LARP1B: variants seen among roughly 807,000 people sequenced by gnomAD.
LARP1B encodes La ribonucleoprotein 1B, also known as la-related protein 1B.
Under a neutral mutation model 114.2 loss-of-function variants are expected in LARP1B, and 76 were observed. The observed-to-expected ratio is 0.67, with a 90% confidence interval of 0.55 to 0.81. The LOEUF (loss-of-function observed/expected upper bound fraction) is 0.81. Among genes scored for constraint, LARP1B ranks in the 30% least tolerant of loss-of-function variants. The pLI, the probability that LARP1B is intolerant of heterozygous loss-of-function variation, is 0.00. For missense variants in LARP1B, 1,014 were observed against 1,075.8 expected (o/e 0.94, Z 0.80); for synonymous variants, 345 against 348.0 (o/e 0.99, Z 0.10).
chr4:128,074,813 C>T lies in LARP1B; in HGVS notation c.-18-121C>T, dbSNP rs563498881. The T allele has an allele frequency of 5.1e-5, 32 of 625,714 alleles. No individual in the cohort carries two copies. The African/African-American group carries it at 5.5e-4, about 11-fold the overall frequency. 38.8% of individuals were successfully genotyped at this position (625,714 alleles called of 1,614,324 possible). ...AACTTTTTGATTAATTTGGCAGATG[C>T]CTGCATATAACTGAATATAAATGAT... On this transcript the variant is annotated intron_variant, in intron 2 of 19. Transcript: ENST00000326639.
rs1194007108 is a variant in LARP1B, at chr4:128,090,964, A to G, written c.359-37A>G. On this transcript the variant is annotated intron_variant, in intron 5 of 19. Transcript: ENST00000326639. ...AGACAATCATGTTATTTTACTTGGC[A>G]AATCGAAGTATATAAAAATATTTTT... 2.7e-6 allele frequency: 4 copies of G among 1,454,772 alleles called. No individual in the cohort carries two copies. In the East Asian group the frequency reaches 9.7e-5, roughly 35 times the overall value. 90.1% of individuals were successfully genotyped at this position (1,454,772 alleles called of 1,614,324 possible). A position where few individuals can be genotyped will look rare whatever the true frequency, so the allele number is the denominator to read the frequency against.
chr4:128,178,330 G>A, intron 13 of LARP1B, 101 bp from the exon 14 acceptor site: 1 of 789,448 alleles, frequency 1.3e-6, no homozygotes, highest in Non-Finnish European at 2.0e-6. Context: ...TGTTTTCAGT[G>A]AAAAATCCTT....
At chr4:128,125,919 C>G (rs1381589059) in intron 11 of LARP1B, among the ~76,000 whole-genome samples, 1 of 151,950 alleles carries the variant, frequency 6.6e-6, no homozygotes, top group African/African-American at 2.4e-5. Flanking sequence ...TCTTAGTTTC[C>G]CAGACACCTA....
chr4:128,113,353 T>G (rs558416409), intron 9 of LARP1B, among the ~76,000 whole-genome samples: 66 of 146,022 alleles, frequency 4.5e-4, no homozygotes, highest in African/African-American at 1.5e-3. Context: ...CTTTTTTTCT[T>G]TTTTTTTTTT....
At chr4:128,137,067 G>A (rs1725644057) in intron 11 of LARP1B, among the ~76,000 whole-genome samples, 1 of 151,974 alleles carries the variant, frequency 6.6e-6, no homozygotes, top group Non-Finnish European at 1.5e-5. Context: ...TGCAGCTAAG[G>A]CAATAGGCTT....
chr4:128,103,236 TC>T (rs1167562781), intron 8 of LARP1B, among the ~76,000 whole-genome samples: 7 of 152,212 alleles, frequency 4.6e-5, no homozygotes, highest in African/African-American at 1.7e-4. Flanking sequence ...TTTTATATGA[TC>T]CTTTTATGGC....
Position 128,211,719 on chromosome 4 carries a change from A to C in LARP1B, c.*1666A>C, listed in dbSNP as rs1170060653. On this transcript the variant is annotated 3_prime_UTR_variant, in exon 20 of 20. Coordinates refer to ENST00000326639, the MANE Select transcript of LARP1B (RefSeq NM_018078.4). ...AAATGGTCTCTTGAAATGATCATAA[A>C]TTTTTCTCAGTGTCCTTTTTGTGTT... is the stretch of plus-strand genomic sequence containing the variant. The C allele has an allele frequency of 1.0e-6, 1 of 984,490 alleles. No homozygotes were observed. The highest frequency in any genetic ancestry group is 1.2e-6 in the Non-Finnish European group (1 of 829,244). 61.0% of individuals were successfully genotyped at this position (984,490 alleles called of 1,614,324 possible).
chr4:128,150,011 C>A (rs1324517528), intron 11 of LARP1B, among the ~76,000 whole-genome samples: 2 of 152,134 alleles, frequency 1.3e-5, no homozygotes, highest in African/African-American at 4.8e-5. Context: ...ATTAGCCAGG[C>A]ATGGTGGTGC....
intron 7 of LARP1B, among the ~76,000 whole-genome samples, chr4:128,097,758 A>C (rs1335367214): frequency 1.3e-5 from 2 of 152,194 alleles, no homozygotes; most frequent in Non-Finnish European, 2.9e-5. Flanking sequence ...CACTCTTCTC[A>C]GCGACTGGGA....
rs1388927089 is a variant in LARP1B, at chr4:128,176,177, TA to T, written c.1649-692del. Reference sequence around the variant, plus strand: ...TATATATAAATATATATATTATATATAAATATATAAATATATTTTTATATAT... The same window carrying T: ...TATATATAAATATATATATTATATATAATATATAAATATATTTTTATATAT... On this transcript the variant is annotated intron_variant, in intron 12 of 19. Transcript: ENST00000326639. Among the ~76,000 whole-genome samples the T allele has an allele frequency of 1.2e-3, 176 of 142,570 alleles. 1 individual carries two copies. The highest frequency in any genetic ancestry group is 7.2e-3 in the Middle Eastern group (2 of 276). 93.5% of individuals were successfully genotyped at this position (142,570 alleles called of 152,430 possible).
chr4:128,131,210 T>G (rs1791478335), intron 11 of LARP1B, among the ~76,000 whole-genome samples: 1 of 152,150 alleles, frequency 6.6e-6, no homozygotes. Flanking sequence ...TAGTGCAGGA[T>G]GATAGTGTGG....
At chr4:128,171,912 A>G (rs914271620) in intron 12 of LARP1B, among the ~76,000 whole-genome samples, 7 of 151,752 alleles carry the variant, frequency 4.6e-5, no homozygotes, top group African/African-American at 1.5e-4. Flanking sequence ...GCTACTTTCA[A>G]GATTTTTTTT....
intron 10 of LARP1B, among the ~76,000 whole-genome samples, chr4:128,119,133 C>T (rs1420110792): frequency 6.6e-6 from 1 of 152,126 alleles, no homozygotes; most frequent in Non-Finnish European, 1.5e-5. Context: ...GATCCACCTG[C>T]CTCGGCCTCC....
At chr4:128,182,047 C>T (rs990350592) in intron 15 of LARP1B, among the ~76,000 whole-genome samples, 4 of 149,808 alleles carry the variant, frequency 2.7e-5, no homozygotes, top group East Asian at 2.0e-4. Flanking sequence ...CTCCTGATCT[C>T]GTGATCTGCC....
intron 15 of LARP1B, among the ~76,000 whole-genome samples, chr4:128,196,293 G>GA (rs551037602): frequency 3.0e-3 from 414 of 138,118 alleles, no homozygotes; most frequent in African/African-American, 5.6e-3. Flanking sequence ...AAAGAAAAGG[G>GA]AAAAAAAAAA....
intron 10 of LARP1B, 100 bp from the exon 11 acceptor site, chr4:128,121,726 C>A: frequency 1.3e-6 from 1 of 777,334 alleles, no homozygotes; most frequent in Non-Finnish European, 1.9e-6. Flanking sequence ...AGCAATTGAG[C>A]ATAAAAGCTT....
At chr4:128,170,872 C>CTTTTTTTTTTTTT (rs70966085) in intron 12 of LARP1B, among the ~76,000 whole-genome samples, 3 of 95,016 alleles carry the variant, frequency 3.2e-5, no homozygotes, top group South Asian at 3.5e-4. Flanking sequence ...TTTTTCTTTT[C>CTTTTTTTTTTTTT]TTTTTTTTTT....
intron 9 of LARP1B, chr4:128,108,454 G>A (rs1020006267): frequency 8.1e-6 from 8 of 985,548 alleles, no homozygotes; most frequent in Non-Finnish European, 8.4e-6. Context: ...ACTGGATGAG[G>A]TTATTTCTTC....
chr4:128,155,654 C>T (rs1286801345), intron 11 of LARP1B: 10 of 1,553,372 alleles, frequency 6.4e-6, no homozygotes, highest in Non-Finnish European at 8.9e-6. Context: ...CTGGGGCCGC[C>T]TCCAGTGGTG....
Sources: allele counts gnomAD v4.1 joint callset (sites outside exome capture counted in the v4.1 genomes callset), GRCh38; gene constraint gnomAD v4.1.1; transcripts MANE v1.5; gene names NCBI Gene and HGNC (gene_info 2026-07-23, HGNC 2026-07-21).